Variants in CNTN4 observed in about 807,000 individuals in gnomAD.
CNTN4 encodes contactin-4.
CNTN4 carries 77 observed loss-of-function variants against 122.5 expected under a neutral mutation model. The ratio of observed to expected loss-of-function variants is 0.63; its 90% CI spans 0.52 to 0.76. The LOEUF (loss-of-function observed/expected upper bound fraction) is 0.76, where lower values mean the gene tolerates loss of function less well. Among genes scored for constraint, CNTN4 ranks in the 30% least tolerant of loss-of-function variants. The pLI is 0.00. For missense variants in CNTN4, 1,256 were observed against 1,259.1 expected, an observed-to-expected ratio of 1.00 and a Z score of 0.04; for synonymous variants, 512 against 447.0, an observed-to-expected ratio of 1.15 and a Z score of -1.83.
chr3:2,764,285 G>A (rs1415020874), intron 6 of CNTN4, among the ~76,000 whole-genome samples: 6 of 152,172 alleles, frequency 3.9e-5, no homozygotes, highest in Non-Finnish European at 7.3e-5. Flanking sequence ...TAATGTTTGT[G>A]ACAAAGGAAA....
intron 4 of CNTN4, among the ~76,000 whole-genome samples, chr3:2,606,237 G>T (rs2081253464): frequency 6.6e-6 from 1 of 152,114 alleles, no homozygotes; most frequent in Admixed American, 6.6e-5. Flanking sequence ...GTGATTCCTT[G>T]GCAATAAGAA....
At chr3:2,778,922 G>A (rs1030621822) in intron 6 of CNTN4, among the ~76,000 whole-genome samples, 1 of 152,198 alleles carries the variant, frequency 6.6e-6, no homozygotes. Context: ...GTCTCTTACA[G>A]TTTTAGAACC....
chr3:2,155,595 G>T (rs1448228075), intron 2 of CNTN4, among the ~76,000 whole-genome samples: 1 of 152,164 alleles, frequency 6.6e-6, no homozygotes, highest in Non-Finnish European at 1.5e-5. Flanking sequence ...CAGCTATGTC[G>T]CCAGTGGGCA....
intron 3 of CNTN4, among the ~76,000 whole-genome samples, chr3:2,499,956 G>A (rs561229313): frequency 4.6e-5 from 7 of 152,082 alleles, no homozygotes; most frequent in South Asian, 2.1e-4. Flanking sequence ...CAAGTTTTGT[G>A]AATTTTGTAC....
At chr3:2,481,307 A>AT (rs2075998880) in intron 3 of CNTN4, among the ~76,000 whole-genome samples, 1 of 151,712 alleles carries the variant, frequency 6.6e-6, no homozygotes, top group Non-Finnish European at 1.5e-5. Context: ...TGTCCAGCTA[A>AT]TTTTTGTATT....
chr3:2,896,745 T>C (rs896854608), intron 10 of CNTN4, among the ~76,000 whole-genome samples: 3 of 152,132 alleles, frequency 2.0e-5, no homozygotes, highest in African/African-American at 7.2e-5. Context: ...TCTATGTATA[T>C]AGGTGGTAAA....
intron 3 of CNTN4, among the ~76,000 whole-genome samples, chr3:2,510,506 G>A (rs1326929548): frequency 6.6e-6 from 1 of 152,086 alleles, no homozygotes; most frequent in Non-Finnish European, 1.5e-5. Flanking sequence ...GCGTGTGGTG[G>A]ACTTTAAATG....
At chr3:2,186,611 A>G in intron 2 of CNTN4, among the ~76,000 whole-genome samples, 1 of 152,108 alleles carries the variant, frequency 6.6e-6, no homozygotes, top group Non-Finnish European at 1.5e-5. Context: ...TGACTTTTTA[A>G]TGATGGCCAT....
rs60270933 is a variant in CNTN4, at chr3:2,440,464, A to G, written c.-89+101231A>G. On this transcript the variant is annotated intron_variant, in intron 3 of 24. Coordinates refer to ENST00000418658, the MANE Select transcript of CNTN4 (RefSeq NM_175607.3). ...TGACCTTAATACATATTGTGAGCAG[A>G]TAATTTGTGAATTGCTCATAATTCT... 3.3e-3 allele frequency among the ~76,000 whole-genome samples: 499 copies of G among 152,292 alleles called. 2 individuals are homozygous for G. Among genetic ancestry groups the G allele is most frequent in the African/African-American group, 0.011 (445 of 41,550 alleles).
At chr3:2,102,987 A>G (rs1177936222) in intron 2 of CNTN4, among the ~76,000 whole-genome samples, 5 of 151,964 alleles carry the variant, frequency 3.3e-5, no homozygotes, top group Non-Finnish European at 7.4e-5. Flanking sequence ...CAGTTAATAC[A>G]TACATAATGC....
intron 4 of CNTN4, among the ~76,000 whole-genome samples, chr3:2,613,582 A>G (rs1418647882): frequency 2.0e-5 from 3 of 152,184 alleles, no homozygotes; most frequent in Admixed American, 6.6e-5. Flanking sequence ...AAGACCATGT[A>G]TATTGTACTT....
intron 3 of CNTN4, among the ~76,000 whole-genome samples, chr3:2,449,601 C>A (rs533882482): frequency 1.6e-4 from 19 of 119,218 alleles, no homozygotes; most frequent in Admixed American, 8.8e-4. Flanking sequence ...GGTGACAGAG[C>A]AAGACTCCAT....
chr3:2,215,371 C>T (rs1329554825), intron 2 of CNTN4, among the ~76,000 whole-genome samples: 26 of 152,106 alleles, frequency 1.7e-4, no homozygotes, highest in Admixed American at 1.7e-3. Flanking sequence ...ATGTATTTAC[C>T]TGTTCTTGTA....
chr3:3,044,027 C>A (rs539498383), intron 23 of CNTN4, among the ~76,000 whole-genome samples: 1 of 152,218 alleles, frequency 6.6e-6, no homozygotes, highest in Admixed American at 6.5e-5. Context: ...GCTCCTGTCT[C>A]GGTTTATATA....
intron 24 of CNTN4, among the ~76,000 whole-genome samples, chr3:3,055,011 C>T (rs1396274970): frequency 6.6e-6 from 1 of 152,094 alleles, no homozygotes; most frequent in Non-Finnish European, 1.5e-5. Context: ...GGACAAAATC[C>T]TCACCACCAT....
chr3:2,223,250 G>T (rs2039133505), intron 2 of CNTN4, among the ~76,000 whole-genome samples: 1 of 152,144 alleles, frequency 6.6e-6, no homozygotes, highest in Non-Finnish European at 1.5e-5. Flanking sequence ...GTTCCGTCCA[G>T]TTGCCCTGTG....
At chr3:2,769,430 A>G (rs1576720706) in intron 6 of CNTN4, among the ~76,000 whole-genome samples, 1 of 148,588 alleles carries the variant, frequency 6.7e-6, no homozygotes, top group South Asian at 2.1e-4. Flanking sequence ...GTGCCACTGC[A>G]CTCCAGCCTG....
At chr3:3,047,746 A>G (rs1166079499) in intron 23 of CNTN4, among the ~76,000 whole-genome samples, 1 of 148,552 alleles carries the variant, frequency 6.7e-6, no homozygotes, top group Non-Finnish European at 1.5e-5. Flanking sequence ...ACACATTCAA[A>G]AGCTAGCAGA....
At chr3:2,977,846 A>G (rs978218807) in intron 13 of CNTN4, among the ~76,000 whole-genome samples, 2 of 152,204 alleles carry the variant, frequency 1.3e-5, no homozygotes, top group African/African-American at 4.8e-5. Context: ...ACTGGATTGC[A>G]TAGGCCCTAA....
Sources: gnomAD v4.1 joint callset for allele counts (sites outside exome capture counted in the v4.1 genomes callset) on GRCh38, gnomAD v4.1.1 for gene constraint, MANE v1.5 for transcripts, NCBI Gene and HGNC (gene_info 2026-07-23, HGNC 2026-07-21) for gene names.